ANKRD13A: variants seen among roughly 807,000 people sequenced by gnomAD.
The protein encoded by ANKRD13A is ankyrin repeat domain-containing protein 13A.
Under a neutral mutation model 81.3 loss-of-function variants are expected in ANKRD13A, and 48 were observed. The observed-to-expected ratio is 0.59, with a 90% CI of 0.47 to 0.75. ANKRD13A has a LOEUF of 0.75. Ranked by LOEUF, ANKRD13A falls within the 30% of genes least tolerant of loss-of-function variation. The pLI, the probability that ANKRD13A is intolerant of heterozygous loss-of-function variation, is 0.00. For synonymous variants in ANKRD13A, 230 were observed against 270.1 expected (o/e 0.85, Z 1.45); for missense variants, 612 against 734.0 (o/e 0.83, Z 1.92).
At chr12:110,007,092 A>G (rs1566046114) in intron 1 of ANKRD13A, among the ~76,000 whole-genome samples, 1 of 152,156 alleles carries the variant, frequency 6.6e-6, no homozygotes, top group Non-Finnish European at 1.5e-5. Flanking sequence ...CGTTGTCTTG[A>G]TTGCTGTAGC....
chr12:109,999,418 A>C (rs1262727037), upstream of ANKRD13A: 1 of 192,424 alleles, frequency 5.2e-6, no homozygotes, highest in African/African-American at 2.4e-5. This position sits in a 1 kb window ranked among gnomAD's most constrained non-coding sequence, Gnocchi z 4.3. Context: ...TGTTTGGGGC[A>C]GTTAGGTCCG....
intron 8 of ANKRD13A, 143 bp downstream of exon 8, chr12:110,025,966 T>A: frequency 3.0e-6 from 1 of 334,244 alleles, no homozygotes; most frequent in Non-Finnish European, 5.1e-6. Context: ...CTCTCTCTCT[T>A]TTTTTTTTTT....
chr12:110,033,672 T>TA, intron 12 of ANKRD13A, 125 bp from the exon 13 acceptor site: 1 of 881,068 alleles, frequency 1.1e-6, no homozygotes, highest in Non-Finnish European at 1.6e-6. Flanking sequence ...ATCTCTCATA[T>TA]AATAGTAAGC....
In ANKRD13A at chr12:109,999,693, C is replaced by T; in HGVS notation, c.5C>T (p.Ser2Phe). Reference sequence around the variant, plus strand: ...CCAGGTTACGGCCTCCTCGCCATGTCCTCGGCCTGCGACGCGGGCGACCAC... The same window carrying T: ...CCAGGTTACGGCCTCCTCGCCATGTTCTCGGCCTGCGACGCGGGCGACCAC... The part of the protein sequence containing the change: M[S>F]SACDAGDHYP... Residue 2 changes from serine (S) to phenylalanine (F), a missense_variant, in exon 1 of 15, where the codon TCC becomes TTC. Transcript: ENST00000261739. This position sits in a 1 kb window ranked among gnomAD's most constrained non-coding sequence, Gnocchi z 4.3. 5 of 1,535,982 alleles carry T rather than the reference C, an allele frequency of 3.3e-6. No individual in the cohort carries two copies. The highest frequency in any genetic ancestry group is 4.4e-6 in the Non-Finnish European group (5 of 1,140,060).
rs748914527 is a variant in ANKRD13A, at chr12:110,019,190, C to T, written c.596C>T (p.Thr199Ile). The T allele has an allele frequency of 6.2e-7, 1 of 1,613,726 alleles. No individual in the cohort carries two copies. Among genetic ancestry groups the T allele is most frequent in the Non-Finnish European group, 8.5e-7 (1 of 1,179,690 alleles). ...EVNHDDKVVT[T>I]ERFDLSQEME... ...AACCATGATGACAAAGTGGTCACCA[C>T]CGAACGCTTCGACCTTTCCCAAGAA... Residue 199 changes from threonine (T) to isoleucine (I), a missense_variant, in exon 6 of 15, where the codon ACC becomes ATC. By Grantham distance (89) the Thr-to-Ile change is moderately conservative. Transcript: ENST00000261739.
At chr12:110,016,455 A>G (rs1045794450) in intron 4 of ANKRD13A, 22 bp downstream of exon 4, 2 of 1,563,484 alleles carry the variant, frequency 1.3e-6, no homozygotes, top group African/African-American at 1.4e-5. Flanking sequence ...TGGGCTCGTT[A>G]TTTATTTCTC....
intron 1 of ANKRD13A, among the ~76,000 whole-genome samples, chr12:110,001,111 A>G (rs1242766289): frequency 6.6e-6 from 1 of 151,206 alleles, no homozygotes; most frequent in Non-Finnish European, 1.5e-5. Context: ...TGGTGCCCTC[A>G]AGTTTCAAGC....
chr12:110,023,963 G>A (rs767698077), intron 6 of ANKRD13A, 83 bp from the exon 7 acceptor site: 2 of 1,383,536 alleles, frequency 1.4e-6, no homozygotes, highest in South Asian at 1.3e-5. Flanking sequence ...AAGCTGGGGG[G>A]GAAAAAAACT....
chr12:110,026,019 T>C (rs1182460680), intron 8 of ANKRD13A, among the ~76,000 whole-genome samples, 196 bp downstream of exon 8: 1 of 151,600 alleles, frequency 6.6e-6, no homozygotes, highest in Non-Finnish European at 1.5e-5. Flanking sequence ...TGGAGTGCAG[T>C]GGCACGACCT....
chr12:110,013,275 A>G, intron 3 of ANKRD13A, 26 bp downstream of exon 3: 1 of 1,613,226 alleles, frequency 6.2e-7, no homozygotes, highest in East Asian at 2.2e-5. Flanking sequence ...TGGCCAGGCC[A>G]TAATCTGAGC....
At chr12:110,025,355 CAA>C (rs1039859014) in intron 7 of ANKRD13A, among the ~76,000 whole-genome samples, 48 of 65,360 alleles carry the variant, frequency 7.3e-4, no homozygotes, top group Admixed American at 1.8e-3. Context: ...GACTCTGTCT[CAA>C]AAAAAAAAAA....
chr12:110,028,660 G>T lies in ANKRD13A; in HGVS notation c.1076+18G>T. Reference sequence around the variant, plus strand: ...ACACAGAAGTAAGAGAGGTTCAGCTGCCATTTTCAACCTATGTATGTTTCA... The same window carrying T: ...ACACAGAAGTAAGAGAGGTTCAGCTTCCATTTTCAACCTATGTATGTTTCA... On this transcript the variant is annotated intron_variant, in intron 10 of 14. Transcript: ENST00000261739. 2.5e-6 allele frequency: 4 copies of T among 1,613,938 alleles called. No homozygotes were observed. The highest frequency in any genetic ancestry group is 3.4e-6 in the Non-Finnish European group (4 of 1,179,876).
intron 1 of ANKRD13A, among the ~76,000 whole-genome samples, chr12:110,010,552 T>C (rs1216941886): frequency 6.6e-6 from 1 of 152,196 alleles, no homozygotes; most frequent in East Asian, 1.9e-4. Context: ...TTTGGTGCGA[T>C]GGACAAGTCA....
rs1889831774 is a variant in ANKRD13A, at chr12:109,999,575, C to T, written c.-114C>T. On this transcript the variant is annotated 5_prime_UTR_variant, in exon 1 of 15. Transcript: ENST00000261739. This position sits in a 1 kb window ranked among gnomAD's most constrained non-coding sequence, Gnocchi z 4.3. ...CCGGCTCAGCCGGCCGGCAGCGTAA[C>T]ACGCCCTACGCTCGCTTGCTCGCCG... 1 of 785,652 alleles carries T rather than the reference C, an allele frequency of 1.3e-6. No homozygotes were observed. The highest frequency in any genetic ancestry group is 1.8e-6 in the Non-Finnish European group (1 of 563,740). The allele number at this position is 785,652 out of a possible 1,614,324, so 48.7% of individuals were successfully genotyped here. A position where few individuals can be genotyped will look rare whatever the true frequency, so the allele number is the denominator to read the frequency against.
chr12:110,015,055 C>T (rs1451139685), intron 3 of ANKRD13A, among the ~76,000 whole-genome samples: 8 of 152,218 alleles, frequency 5.3e-5, no homozygotes, highest in Non-Finnish European at 1.0e-4. Context: ...GGATTACAGG[C>T]GTGAGCCAGT....
At chr12:110,012,579 T>A (rs1291532143) in intron 2 of ANKRD13A, among the ~76,000 whole-genome samples, 10 of 152,128 alleles carry the variant, frequency 6.6e-5, no homozygotes, top group Non-Finnish European at 1.0e-4. Flanking sequence ...CAGTGCAAAC[T>A]TCTTCCACCA....
In ANKRD13A at chr12:110,037,850, A is replaced by G. The variant is rs1892159856; in HGVS notation, c.*296A>G. The G allele has an allele frequency of 4.1e-6, 1 of 241,564 alleles. No individual in the cohort carries two copies. The highest frequency in any genetic ancestry group is 8.0e-6 in the Non-Finnish European group (1 of 125,110). The allele number at this position is 241,564 out of a possible 1,614,324, so 15.0% of individuals were successfully genotyped here. On this transcript the variant is annotated 3_prime_UTR_variant, in exon 15 of 15. Transcript: ENST00000261739. ...AGGTCACATTTTTACTACCAGCTTTAGACAAAACCCCAATCCCCGCAGGTT... is the reference window on the plus strand; with the variant it reads ...AGGTCACATTTTTACTACCAGCTTTGGACAAAACCCCAATCCCCGCAGGTT...
At chr12:110,004,687 A>G in intron 1 of ANKRD13A, among the ~76,000 whole-genome samples, 1 of 152,210 alleles carries the variant, frequency 6.6e-6, no homozygotes, top group East Asian at 1.9e-4. Flanking sequence ...CTGAACTCAT[A>G]TTATTAGTTG....
upstream of ANKRD13A, chr12:109,999,319 G>A (rs1889808913): frequency 1.3e-5 from 2 of 154,392 alleles, no homozygotes; most frequent in South Asian, 4.1e-4. The surrounding 1 kb of genome is among the most constrained non-coding windows in gnomAD (Gnocchi z 4.3). Context: ...GTGAGCTGGA[G>A]GTGGGTGCAA....
Sources: allele counts gnomAD v4.1 joint callset (sites outside exome capture counted in the v4.1 genomes callset), GRCh38; gene constraint gnomAD v4.1.1; non-coding constraint Gnocchi (gnomAD v3.1); transcripts MANE v1.5; gene names NCBI Gene and HGNC (gene_info 2026-07-23, HGNC 2026-07-21).